The following ZNF251 variants were observed in gnomAD, a reference collection of about 807,000 sequenced individuals.
The protein encoded by ZNF251 is zinc finger protein 251.
Under a neutral mutation model 13.5 loss-of-function variants are expected in ZNF251, and 14 were observed. The observed-to-expected ratio is 1.04, with a 90% CI of 0.69 to 1.63. The LOEUF is 1.63. Ranked by LOEUF, ZNF251 falls within the 40% of genes most tolerant of loss-of-function variation. The pLI, the probability that ZNF251 is intolerant of heterozygous loss-of-function variation, is 0.00. For synonymous variants in ZNF251, 287 were observed against 295.2 expected, an observed-to-expected ratio of 0.97 and a Z score of 0.28; for missense variants, 764 against 834.9, an observed-to-expected ratio of 0.92 and a Z score of 1.05.
At chr8:144,742,676 T>A (rs1824219500) in intron 4 of ZNF251, among the ~76,000 whole-genome samples, 1 of 152,196 alleles carries the variant, frequency 6.6e-6, no homozygotes, top group South Asian at 2.1e-4. Context: ...GGCTTCACCC[T>A]GCTTCTCTAC....
rs1423290163 is a variant in ZNF251 at position 144,734,101 on chromosome 8, A to G, written c.278-10719T>C. ...CTCTGTGTTTCCGAAATCCTGACCC[A>G]GGAGGCGCCCACTCAGACCACAGTC... is the stretch of plus-strand genomic sequence containing the variant. On this transcript the variant is annotated intron_variant, in intron 4 of 4. Coordinates refer to ENST00000292562, the MANE Select transcript of ZNF251 (RefSeq NM_138367.2). The surrounding 1 kb of genome is among the most constrained non-coding windows in gnomAD (Gnocchi z 4.4). Among the ~76,000 whole-genome samples, 1 of 152,182 alleles carries G rather than the reference A, an allele frequency of 6.6e-6. No individual in the cohort carries two copies. The highest frequency in any genetic ancestry group is 6.5e-5 in the Admixed American group (1 of 15,280).
chr8:144,751,516 T>C (rs556085127), intron 4 of ZNF251, among the ~76,000 whole-genome samples: 11 of 152,302 alleles, frequency 7.2e-5, no homozygotes, highest in African/African-American at 2.4e-4. Context: ...TGGAAACTTA[T>C]GTATACTGTA....
At chr8:144,749,769 G>A (rs988859827) in intron 4 of ZNF251, among the ~76,000 whole-genome samples, 11 of 152,016 alleles carry the variant, frequency 7.2e-5, no homozygotes, top group Non-Finnish European at 1.5e-4. Context: ...ATCTCTTGGA[G>A]GCCGTGTACC....
chr8:144,750,507 G>A (rs1293000351), intron 4 of ZNF251, among the ~76,000 whole-genome samples: 1 of 152,188 alleles, frequency 6.6e-6, no homozygotes, highest in African/African-American at 2.4e-5. Flanking sequence ...TTAGGCCCTG[G>A]TAAAATTGTT....
intron 4 of ZNF251, among the ~76,000 whole-genome samples, chr8:144,735,526 G>C (rs1823857274): frequency 6.6e-6 from 1 of 152,056 alleles, no homozygotes; most frequent in South Asian, 2.1e-4. Flanking sequence ...CCAGGACACT[G>C]GCCCACATCC....
chr8:144,728,022 C>T (rs111949966), intron 4 of ZNF251, among the ~76,000 whole-genome samples: 4,503 of 152,274 alleles, frequency 0.03, 211 homozygotes, highest in African/African-American at 0.1. Flanking sequence ...ACGCAAAAGG[C>T]CTGGCTTTGG....
intron 4 of ZNF251, among the ~76,000 whole-genome samples, chr8:144,732,543 T>C (rs77237770): frequency 5.9e-5 from 9 of 152,052 alleles, no homozygotes; most frequent in African/African-American, 1.4e-4. Context: ...CCGGGCGCGG[T>C]GGCTCACGCC....
intron 4 of ZNF251, among the ~76,000 whole-genome samples, chr8:144,746,824 C>T (rs1039232249): frequency 1.3e-5 from 2 of 151,762 alleles, no homozygotes; most frequent in Non-Finnish European, 2.9e-5. Context: ...GATGTTCCCT[C>T]TTTCATTTGA....
chr8:144,722,338 G>A lies in ZNF251; in HGVS notation c.1322C>T (p.Ala441Val), dbSNP rs538055586. The change falls in exon 5 of 5, where the codon GCC becomes GTC. Residue 441 changes from alanine to valine, a missense_variant. Physicochemically the swap from Ala to Val is moderately conservative, Grantham distance 64 (BLOSUM62 0). Coordinates refer to ENST00000292562, the MANE Select transcript of ZNF251 (RefSeq NM_138367.2). The surrounding 1 kb of genome is among the most constrained non-coding windows in gnomAD (Gnocchi z 4.8). ...AACAAGAGTGGAACTCCGACGAAAGGCTTTGCCGCACTCATTACAAACATA... is the reference window on the plus strand; with the variant it reads ...AACAAGAGTGGAACTCCGACGAAAGACTTTGCCGCACTCATTACAAACATA... ...KPYVCNECGK[A>V]FRRSSTLVQH... 2 of 1,613,964 alleles carry A rather than the reference G, an allele frequency of 1.2e-6. No homozygotes were observed. Among genetic ancestry groups the A allele is most frequent in the East Asian group, 2.2e-5 (1 of 44,882 alleles).
intron 4 of ZNF251, among the ~76,000 whole-genome samples, chr8:144,741,925 T>A (rs369079239): frequency 6.6e-6 from 1 of 152,172 alleles, no homozygotes; most frequent in African/African-American, 2.4e-5. Flanking sequence ...CAGAAAGAAA[T>A]GTGAAGAAAT....
At chr8:144,735,972 C>T (rs1563761181) in intron 4 of ZNF251, among the ~76,000 whole-genome samples, 1 of 152,268 alleles carries the variant, frequency 6.6e-6, no homozygotes, top group Non-Finnish European at 1.5e-5. Context: ...CCCCCCACAG[C>T]GGGACCCAGG....
At chr8:144,754,928 G>T (rs1824887182) in intron 1 of ZNF251, 125 bp from the exon 2 acceptor site, 1 of 1,425,172 alleles carries the variant, frequency 7.0e-7, no homozygotes, top group African/African-American at 1.4e-5. Flanking sequence ...ATGCAGCACG[G>T]GCCGACGTGC....
At chr8:144,730,066 G>T in intron 4 of ZNF251, 2 of 985,466 alleles carry the variant, frequency 2.0e-6, no homozygotes, top group Non-Finnish European at 2.4e-6. Context: ...GCAGCTGTAT[G>T]GCAGGCCCAG....
intron 4 of ZNF251, among the ~76,000 whole-genome samples, chr8:144,725,250 G>C (rs992650444): frequency 6.6e-6 from 1 of 152,176 alleles, no homozygotes; most frequent in African/African-American, 2.4e-5. Context: ...CCTGAGCTCA[G>C]GCAATCCGTC....
intron 4 of ZNF251, among the ~76,000 whole-genome samples, chr8:144,745,003 CAG>C (rs1406425048): frequency 6.6e-6 from 1 of 152,214 alleles, no homozygotes; most frequent in East Asian, 1.9e-4. Flanking sequence ...TTGCAGTGAG[CAG>C]AGATTGTGCT....
chr8:144,751,512 CTT>C (rs1374321896), intron 4 of ZNF251, among the ~76,000 whole-genome samples: 2 of 152,126 alleles, frequency 1.3e-5, no homozygotes, highest in Non-Finnish European at 2.9e-5. Context: ...ACTGTGGAAA[CTT>C]ATGTATACTG....
chr8:144,726,818 C>T (rs948463769), intron 4 of ZNF251, among the ~76,000 whole-genome samples: 14 of 151,658 alleles, frequency 9.2e-5, no homozygotes, highest in Non-Finnish European at 1.8e-4. Flanking sequence ...TGCAGTGAGC[C>T]GAGATCGCGC....
chr8:144,744,465 C>G (rs548979396), intron 4 of ZNF251, among the ~76,000 whole-genome samples: 5 of 152,168 alleles, frequency 3.3e-5, no homozygotes, highest in Non-Finnish European at 5.9e-5. Flanking sequence ...GATGTATGAT[C>G]CATTTTGCCA....
chr8:144,722,649 A>G lies in ZNF251; in HGVS notation c.1011T>C (p.Thr337=). 2 of 1,614,152 alleles carry G rather than the reference A, an allele frequency of 1.2e-6. No homozygotes were observed. Among genetic ancestry groups the G allele is most frequent in the Non-Finnish European group, 1.7e-6 (2 of 1,180,004 alleles). Residue 337 remains threonine, a synonymous_variant, in exon 5 of 5, where the codon ACT becomes ACC. Coordinates refer to ENST00000292562, the MANE Select transcript of ZNF251 (RefSeq NM_138367.2). The surrounding 1 kb of genome is among the most constrained non-coding windows in gnomAD (Gnocchi z 4.8). The part of the protein sequence containing the change: ...GRGFSQSPQL[T]QHQRIHTGEK... ...CTCCAGTGTGAATTCTCTGATGCTGAGTTAACTGGGGGCTCTGGCTAAAGC... is the reference window on the plus strand; with the variant it reads ...CTCCAGTGTGAATTCTCTGATGCTGGGTTAACTGGGGGCTCTGGCTAAAGC...
Sources: gnomAD v4.1 joint callset for allele counts (sites outside exome capture counted in the v4.1 genomes callset) on GRCh38, gnomAD v4.1.1 for gene constraint, Gnocchi (gnomAD v3.1) non-coding constraint, MANE v1.5 for transcripts, NCBI Gene and HGNC (gene_info 2026-07-23, HGNC 2026-07-21) for gene names.